The following RAB4A variants were observed in gnomAD, a reference collection of about 807,000 sequenced individuals.
RAB4A encodes the protein ras-related protein Rab-4A.
Under a neutral mutation model 34.5 loss-of-function variants are expected in RAB4A, and 20 were observed. The ratio of observed to expected loss-of-function variants is 0.58; its 90% CI spans 0.41 to 0.84. The LOEUF (loss-of-function observed/expected upper bound fraction) is 0.84. Among genes scored for constraint, RAB4A ranks in the 40% least tolerant of loss-of-function variants. The pLI, the probability that RAB4A is intolerant of heterozygous loss-of-function variation, is 0.00. For synonymous variants in RAB4A, 102 were observed against 100.0 expected (o/e 1.02, Z -0.12); for missense variants, 228 against 274.5 (o/e 0.83, Z 1.20).
intron 3 of RAB4A, among the ~76,000 whole-genome samples, chr1:229,294,929 G>A (rs1657196956): frequency 1.3e-5 from 2 of 151,808 alleles, no homozygotes; most frequent in African/African-American, 4.8e-5. Context: ...GGCGGTACCA[G>A]AGCCAATTTA....
At chr1:229,276,818 C>T (rs1656662889) in intron 1 of RAB4A, among the ~76,000 whole-genome samples, 1 of 150,758 alleles carries the variant, frequency 6.6e-6, no homozygotes, top group Non-Finnish European at 1.5e-5. Context: ...AGTTCTTCGT[C>T]GTAGTGACTT....
At chr1:229,287,337 C>A (rs1305606972) in intron 2 of RAB4A, among the ~76,000 whole-genome samples, 1 of 152,186 alleles carries the variant, frequency 6.6e-6, no homozygotes, top group Non-Finnish European at 1.5e-5. Context: ...TAGAAATTTA[C>A]TCTGCTTCTT....
chr1:229,272,802 T>C (rs2102829850), intron 1 of RAB4A, among the ~76,000 whole-genome samples: 1 of 152,292 alleles, frequency 6.6e-6, no homozygotes, highest in South Asian at 2.1e-4. Context: ...GTGCATTTGG[T>C]CCACCTTCAG....
chr1:229,285,029 A>G (rs1444684682), intron 1 of RAB4A, among the ~76,000 whole-genome samples: 2 of 152,128 alleles, frequency 1.3e-5, no homozygotes, highest in East Asian at 3.8e-4. Context: ...TAGTTTACAG[A>G]CAGAGTGCTC....
intron 2 of RAB4A, among the ~76,000 whole-genome samples, chr1:229,288,388 T>A (rs1314799628): frequency 6.6e-6 from 1 of 152,244 alleles, no homozygotes; most frequent in Non-Finnish European, 1.5e-5. Flanking sequence ...CCCTTCAGAA[T>A]GGTACGCTGG....
chr1:229,295,427 A>G lies in RAB4A; in HGVS notation c.228-421A>G, dbSNP rs532082872. On this transcript the variant is annotated intron_variant, in intron 3 of 7. Coordinates refer to ENST00000366690, the MANE Select transcript of RAB4A (RefSeq NM_004578.4). ...GTGACTATGGATTCCTGTGGTGACTATGGATTCCACCGCGCCGAGAGGTGG... is the reference window on the plus strand; with the variant it reads ...GTGACTATGGATTCCTGTGGTGACTGTGGATTCCACCGCGCCGAGAGGTGG... 5.1e-4 allele frequency among the ~76,000 whole-genome samples: 78 copies of G among 152,260 alleles called. 1 individual carries two copies. In the South Asian group the frequency reaches 0.014, roughly 27 times the overall value.
chr1:229,271,321 A>G lies in RAB4A; in HGVS notation c.-19A>G. 3 of 1,319,428 alleles carry G rather than the reference A, an allele frequency of 2.3e-6. No homozygotes were observed. Among genetic ancestry groups the G allele is most frequent in the Admixed American group, 3.4e-5 (1 of 29,102 alleles). The allele number at this position is 1,319,428 out of a possible 1,614,324, so 81.7% of individuals were successfully genotyped here. On this transcript the variant is annotated 5_prime_UTR_variant, in exon 1 of 8. Transcript: ENST00000366690. Reference sequence around the variant, plus strand: ...CGAGTGCAGCCGGTGACCCGGCGAGAGGCGGCGCCGCTCCCAAGATGTCGC... The same window carrying G: ...CGAGTGCAGCCGGTGACCCGGCGAGGGGCGGCGCCGCTCCCAAGATGTCGC...
intron 5 of RAB4A, among the ~76,000 whole-genome samples, chr1:229,298,209 C>T (rs1271342818): frequency 6.6e-6 from 1 of 151,990 alleles, no homozygotes; most frequent in Non-Finnish European, 1.5e-5. Flanking sequence ...TTTTTAGAAC[C>T]AAAAACTAGA....
At chr1:229,290,466 T>C (rs1657038507) in intron 3 of RAB4A, among the ~76,000 whole-genome samples, 1 of 152,184 alleles carries the variant, frequency 6.6e-6, no homozygotes, top group Non-Finnish European at 1.5e-5. Context: ...GTAGTGACAT[T>C]TTGCTTTCCC....
chr1:229,302,354 A>G (rs1181133388), intron 6 of RAB4A, among the ~76,000 whole-genome samples: 3 of 124,680 alleles, frequency 2.4e-5, no homozygotes, highest in Non-Finnish European at 4.9e-5. Context: ...GTGTCAGACA[A>G]ATGCCCAGAA....
At position 229,298,628 on chromosome 1, in the gene RAB4A, A is replaced by G. The variant is rs188640531; in HGVS notation, c.446-349A>G. ...GTGGTGACACTCAGATTGTTTGAAG[A>G]AGGACATTGCAACTTTCCCTGAAAT... On this transcript the variant is annotated intron_variant, in intron 5 of 7. Coordinates refer to ENST00000366690, the MANE Select transcript of RAB4A (RefSeq NM_004578.4). 2.0e-5 allele frequency among the ~76,000 whole-genome samples: 3 copies of G among 152,352 alleles called. No individual in the cohort carries two copies. In the East Asian group the frequency reaches 5.8e-4, roughly 29 times the overall value.
Position 229,286,910 on chromosome 1 carries a change from A to G in RAB4A, c.112+344A>G, listed in dbSNP as rs576369082. 2.3e-3 allele frequency among the ~76,000 whole-genome samples: 344 copies of G among 152,318 alleles called. 1 individual carries two copies. Among genetic ancestry groups the G allele is most frequent in the African/African-American group, 7.6e-3 (316 of 41,580 alleles). Reference sequence around the variant, plus strand: ...CATACATTTTGGATAAAATAACAACATTTGGTCCTCATAGTGGGCTTGTGT... The same window carrying G: ...CATACATTTTGGATAAAATAACAACGTTTGGTCCTCATAGTGGGCTTGTGT... On this transcript the variant is annotated intron_variant, in intron 2 of 7. Transcript: ENST00000366690.
chr1:229,292,584 C>G (rs237769), intron 3 of RAB4A, among the ~76,000 whole-genome samples: 104,475 of 152,094 alleles, frequency 0.69, 36,283 homozygotes, highest in African/African-American at 0.77. Context: ...GTGCCTCTTG[C>G]TAACAGTCTC....
chr1:229,295,331 G>A (rs116453630), intron 3 of RAB4A, among the ~76,000 whole-genome samples: 1 of 152,162 alleles, frequency 6.6e-6, no homozygotes, highest in Non-Finnish European at 1.5e-5. Context: ...TGTGAGAGTG[G>A]ATATGACATA....
intron 2 of RAB4A, among the ~76,000 whole-genome samples, chr1:229,288,059 A>G (rs1280635860): frequency 1.3e-5 from 2 of 152,196 alleles, no homozygotes; most frequent in Admixed American, 6.5e-5. Context: ...AATCATTTCC[A>G]TAGAACACTA....
At chr1:229,275,779 C>A (rs1656627884) in intron 1 of RAB4A, among the ~76,000 whole-genome samples, 1 of 151,906 alleles carries the variant, frequency 6.6e-6, no homozygotes, top group Admixed American at 6.5e-5. Context: ...CGCCACCACA[C>A]CTAGCTAATT....
rs559977479 is a variant in RAB4A, at chr1:229,303,039, G to T, written c.*12+50G>T. The T allele has an allele frequency of 4.5e-6, 6 of 1,330,190 alleles. No homozygotes were observed. In the East Asian group the frequency reaches 1.4e-4, roughly 31 times the overall value. 82.4% of individuals were successfully genotyped at this position (1,330,190 alleles called of 1,614,324 possible). On this transcript the variant is annotated intron_variant, in intron 7 of 7. Coordinates refer to ENST00000366690, the MANE Select transcript of RAB4A (RefSeq NM_004578.4). ...TGAGTTCCTGGCAAGCTCAAGTGCA[G>T]AGGCCTGTTAAAGCTTTGGGAAGCT...
intron 6 of RAB4A, among the ~76,000 whole-genome samples, chr1:229,300,704 C>T (rs979766591): frequency 1.3e-5 from 2 of 152,026 alleles, no homozygotes; most frequent in Non-Finnish European, 2.9e-5. Context: ...AACGCTGAGA[C>T]ATGAACATGG....
At chr1:229,297,686 T>C in intron 5 of RAB4A, 50 bp downstream of exon 5, 2 of 1,465,122 alleles carry the variant, frequency 1.4e-6, no homozygotes, top group Non-Finnish European at 1.8e-6. Context: ...TATTTGAGGA[T>C]AATAGCATTT....
Sources: gnomAD v4.1 joint callset for allele counts (sites outside exome capture counted in the v4.1 genomes callset) on GRCh38, gnomAD v4.1.1 for gene constraint, MANE v1.5 for transcripts, NCBI Gene and HGNC (gene_info 2026-07-23, HGNC 2026-07-21) for gene names.